The following ZNF804A variants were observed in gnomAD, a reference collection of about 807,000 sequenced individuals.
ZNF804A encodes zinc finger protein 804A.
A neutral mutation model predicts 16.5 loss-of-function variants in ZNF804A; 2 were observed. That is an observed-to-expected ratio of 0.12 (90% CI 0.05 to 0.38). The LOEUF (loss-of-function observed/expected upper bound fraction) is 0.38, where lower values mean the gene tolerates loss of function less well. Among genes scored for constraint, ZNF804A ranks in the 10% least tolerant of loss-of-function variants. The probability of loss-of-function intolerance (pLI) is 0.99; values close to 1 mark genes in which losing one functional copy is unlikely to be tolerated. For missense variants in ZNF804A, 1,473 were observed against 1,390.7 expected, an observed-to-expected ratio of 1.06 and a Z score of -0.94; for synonymous variants, 534 against 489.6, an observed-to-expected ratio of 1.09 and a Z score of -1.20.
intron 1 of ZNF804A, among the ~76,000 whole-genome samples, chr2:184,772,903 TACACAC>T (rs60984699): frequency 7.0e-6 from 1 of 142,952 alleles, no homozygotes; most frequent in African/African-American, 2.6e-5. Context: ...TTAAAATACA[TACACAC>T]ACACACACAC....
intron 1 of ZNF804A, among the ~76,000 whole-genome samples, chr2:184,636,464 A>T (rs1196513195): frequency 4.1e-4 from 54 of 132,062 alleles, no homozygotes; most frequent in African/African-American, 9.4e-4. Context: ...AGAGAGAGAG[A>T]GAGAGAGAGA....
In ZNF804A at chr2:184,740,495, T is replaced by C. The variant is rs1223011904; in HGVS notation, c.112-125874T>C. Among the ~76,000 whole-genome samples the C allele has an allele frequency of 2.0e-5, 3 of 152,192 alleles. No homozygotes were observed. The East Asian group carries it at 5.8e-4, about 29-fold the overall frequency. On this transcript the variant is annotated intron_variant, in intron 1 of 3. Coordinates refer to ENST00000302277, the MANE Select transcript of ZNF804A (RefSeq NM_194250.2). ...CTCAGAATATTTCAGAAGACAAATC[T>C]TTTATTTCTCAGGCATAGATTTATT... is the stretch of plus-strand genomic sequence containing the variant.
intron 1 of ZNF804A, among the ~76,000 whole-genome samples, chr2:184,651,190 G>C (rs1463574071): frequency 6.6e-6 from 1 of 152,072 alleles, no homozygotes; most frequent in East Asian, 1.9e-4. Context: ...CAAGCAATGG[G>C]GAAAGGACTC....
intron 1 of ZNF804A, among the ~76,000 whole-genome samples, chr2:184,807,069 T>G (rs540466813): frequency 6.6e-6 from 1 of 151,756 alleles, no homozygotes; most frequent in Non-Finnish European, 1.5e-5. Context: ...CTGTCCAACT[T>G]GGCATAGTCT....
At chr2:184,855,601 CATAT>C (rs3992047) in intron 1 of ZNF804A, among the ~76,000 whole-genome samples, 70 of 147,348 alleles carry the variant, frequency 4.8e-4, no homozygotes, top group African/African-American at 1.1e-3. Context: ...TACACATACA[CATAT>C]ATATATATAT....
Position 184,675,861 on chromosome 2 carries a change from A to G in ZNF804A, c.111+76791A>G, listed in dbSNP as rs541431260. 4.6e-5 allele frequency among the ~76,000 whole-genome samples: 7 copies of G among 151,870 alleles called. No homozygotes were observed. The South Asian group carries it at 6.2e-4, about 13-fold the overall frequency. On this transcript the variant is annotated intron_variant, in intron 1 of 3. Coordinates refer to ENST00000302277, the MANE Select transcript of ZNF804A (RefSeq NM_194250.2). ...TTCCACACTAGTGAACACAAGAAAA[A>G]TATATTATCATTGAACTAGATAAGC...
intron 1 of ZNF804A, among the ~76,000 whole-genome samples, chr2:184,701,167 G>T (rs1416464646): frequency 6.6e-6 from 1 of 151,724 alleles, no homozygotes; most frequent in Non-Finnish European, 1.5e-5. Context: ...TACTTTAATT[G>T]CATGCATTTT....
At chr2:184,889,221 A>G (rs565800968) in intron 2 of ZNF804A, among the ~76,000 whole-genome samples, 3 of 151,724 alleles carry the variant, frequency 2.0e-5, no homozygotes, top group East Asian at 1.9e-4. Context: ...AAATTTTGGG[A>G]TACTGATACT....
chr2:184,720,171 C>T (rs367587143), intron 1 of ZNF804A, among the ~76,000 whole-genome samples: 2 of 152,212 alleles, frequency 1.3e-5, no homozygotes, highest in African/African-American at 4.8e-5. Flanking sequence ...CATTGACTAT[C>T]ATGAGAACAG....
intron 1 of ZNF804A, among the ~76,000 whole-genome samples, chr2:184,726,240 ATCC>A (rs1693407722): frequency 6.6e-6 from 1 of 151,656 alleles, no homozygotes; most frequent in Admixed American, 6.6e-5. Flanking sequence ...CCATTTTACA[ATCC>A]CACCAGCAAT....
At chr2:184,668,823 G>C (rs1464373016) in intron 1 of ZNF804A, among the ~76,000 whole-genome samples, 5 of 151,954 alleles carry the variant, frequency 3.3e-5, no homozygotes, top group Non-Finnish European at 5.9e-5. Context: ...GAAATAATAA[G>C]TATAATTTAT....
At chr2:184,615,429 T>G (rs1001112903) in intron 1 of ZNF804A, among the ~76,000 whole-genome samples, 1 of 152,196 alleles carries the variant, frequency 6.6e-6, no homozygotes, top group African/African-American at 2.4e-5. Flanking sequence ...AGTCCCAGTT[T>G]ATGCTGTTGT....
At chr2:184,707,325 GA>G (rs902117002) in intron 1 of ZNF804A, among the ~76,000 whole-genome samples, 9 of 152,006 alleles carry the variant, frequency 5.9e-5, no homozygotes, top group Non-Finnish European at 1.3e-4. Context: ...TAGATTCAGG[GA>G]TAATGCCAGA....
chr2:184,760,687 G>C (rs958158415), intron 1 of ZNF804A, among the ~76,000 whole-genome samples: 3 of 152,120 alleles, frequency 2.0e-5, no homozygotes, highest in African/African-American at 7.2e-5. Context: ...CCCCATCAAG[G>C]GTTGGCTGTT....
intron 1 of ZNF804A, among the ~76,000 whole-genome samples, chr2:184,863,047 A>T (rs146543071): frequency 2.6e-5 from 4 of 152,164 alleles, no homozygotes; most frequent in Non-Finnish European, 5.9e-5. Context: ...TTATTTGAGT[A>T]AGATGAAAGG....
chr2:184,914,434 A>T (rs80294330), intron 2 of ZNF804A, among the ~76,000 whole-genome samples: 8,576 of 152,194 alleles, frequency 0.056, 831 homozygotes, highest in African/African-American at 0.19. Context: ...ATTTAGGAAA[A>T]TCCCAGTTAT....
chr2:184,669,170 G>A (rs1446069763), intron 1 of ZNF804A, among the ~76,000 whole-genome samples: 1 of 151,894 alleles, frequency 6.6e-6, no homozygotes, highest in African/African-American at 2.4e-5. Flanking sequence ...TAAAAAACAT[G>A]GCAGAGTCTC....
At chr2:184,650,294 T>C (rs1691959637) in intron 1 of ZNF804A, among the ~76,000 whole-genome samples, 2 of 152,066 alleles carry the variant, frequency 1.3e-5, no homozygotes, top group Non-Finnish European at 2.9e-5. Flanking sequence ...AATCTAAGAA[T>C]TAAAGTAACA....
chr2:184,689,368 G>T (rs1158388073), intron 1 of ZNF804A, among the ~76,000 whole-genome samples: 1 of 152,044 alleles, frequency 6.6e-6, no homozygotes, highest in Non-Finnish European at 1.5e-5. Flanking sequence ...GCAGTCTAGT[G>T]TTCAAATTTT....
Sources: gnomAD v4.1 joint callset for allele counts (sites outside exome capture counted in the v4.1 genomes callset) on GRCh38, gnomAD v4.1.1 for gene constraint, MANE v1.5 for transcripts, NCBI Gene and HGNC (gene_info 2026-07-23, HGNC 2026-07-21) for gene names.